Variants in DLGAP2 observed in about 807,000 individuals in gnomAD.
DLGAP2 encodes disks large-associated protein 2.
In DLGAP2, 26 loss-of-function variants were observed where a neutral mutation model predicts 100.3. The observed-to-expected ratio is 0.26, with a 90% CI of 0.19 to 0.36. The LOEUF is 0.36. Ranked by LOEUF, DLGAP2 falls within the 10% of genes least tolerant of loss-of-function variation. The pLI, the probability that DLGAP2 is intolerant of heterozygous loss-of-function variation, is 1.00. For missense variants in DLGAP2, 1,858 were observed against 1,453.2 expected, an observed-to-expected ratio of 1.28 and a Z score of -4.53; for synonymous variants, 886 against 630.1, an observed-to-expected ratio of 1.41 and a Z score of -6.08.
At chr8:1,376,328 A>G (rs1802386299) in intron 3 of DLGAP2, among the ~76,000 whole-genome samples, 1 of 152,220 alleles carries the variant, frequency 6.6e-6, no homozygotes, top group South Asian at 2.1e-4. Flanking sequence ...TCCATCAGCC[A>G]GCTCCTGTGC....
intron 2 of DLGAP2, among the ~76,000 whole-genome samples, chr8:973,866 C>CG (rs368223140): frequency 1 from 149,494 of 149,550 alleles, 74,719 homozygotes; most frequent in Middle Eastern, 1. Flanking sequence ...GCTGCGACCA[C>CG]GGGCCAGGCC....
At position 896,732 on chromosome 8, in the gene DLGAP2, C is replaced by T. The variant is rs537374381; in HGVS notation, c.19-11180C>T. Reference sequence around the variant, plus strand: ...AGCCCGGAAGTGGGTCCTCACCAGACACTGCCGTCACCTCCGCGCTGGACC... The same window carrying T: ...AGCCCGGAAGTGGGTCCTCACCAGATACTGCCGTCACCTCCGCGCTGGACC... On this transcript the variant is annotated intron_variant, in intron 1 of 14. Transcript: ENST00000637795. 6.6e-5 allele frequency among the ~76,000 whole-genome samples: 10 copies of T among 152,254 alleles called. No homozygotes were observed. In the East Asian group the frequency reaches 1.4e-3, roughly 21 times the overall value.
chr8:1,266,342 C>T (rs573197661), intron 3 of DLGAP2, among the ~76,000 whole-genome samples: 9 of 152,314 alleles, frequency 5.9e-5, no homozygotes, highest in East Asian at 3.9e-4. Context: ...TCCAGATGAG[C>T]GCAGATTCAC....
intron 3 of DLGAP2, among the ~76,000 whole-genome samples, chr8:1,339,488 C>G (rs981370069): frequency 6.6e-6 from 1 of 152,216 alleles, no homozygotes; most frequent in African/African-American, 2.4e-5. Context: ...TTGGTGAGCT[C>G]CATTCTGGAA....
At chr8:1,590,195 CT>C (rs1796249397) in intron 6 of DLGAP2, among the ~76,000 whole-genome samples, 1 of 152,198 alleles carries the variant, frequency 6.6e-6, no homozygotes, top group Non-Finnish European at 1.5e-5. Flanking sequence ...CTCATCTCAA[CT>C]CATTTCGTCT....
Position 1,006,264 on chromosome 8 carries a change from G to C in DLGAP2, c.73+98298G>C, listed in dbSNP as rs140669640. 4.8e-3 allele frequency among the ~76,000 whole-genome samples: 732 copies of C among 152,296 alleles called. 6 individuals carry two copies. The highest frequency in any genetic ancestry group is 0.017 in the African/African-American group (694 of 41,562). ...AGATGGACAACTGTGCTATGCTTCT[G>C]GGGAGGATTGTGCCTTTATCACATC... On this transcript the variant is annotated intron_variant, in intron 2 of 14. Transcript: ENST00000637795.
chr8:1,464,287 GCCCTTC>G (rs1798551820), intron 3 of DLGAP2, among the ~76,000 whole-genome samples: 1 of 29,786 alleles, frequency 3.4e-5, no homozygotes. Flanking sequence ...CCAGGACAAC[GCCCTTC>G]CAGGATGGCA....
At chr8:1,516,077 ATGAATGAGTGCATGAATGAGTGACTGAG>A (rs1375921596) in intron 4 of DLGAP2, among the ~76,000 whole-genome samples, 2 of 151,070 alleles carry the variant, frequency 1.3e-5, no homozygotes, top group African/African-American at 2.4e-5. Context: ...AAAAAAGTAC[ATGAATGAGTGCATGAATGAGTGACTGAG>A]TGAATGAGTG....
chr8:1,087,267 A>G (rs1804005123), intron 2 of DLGAP2, among the ~76,000 whole-genome samples: 1 of 152,210 alleles, frequency 6.6e-6, no homozygotes, highest in African/African-American at 2.4e-5. Flanking sequence ...TAACATTCTG[A>G]AGTCTTTCCT....
intron 8 of DLGAP2, among the ~76,000 whole-genome samples, chr8:1,655,696 C>T (rs1041209851): frequency 3.9e-5 from 6 of 152,174 alleles, no homozygotes; most frequent in Admixed American, 2.0e-4. Flanking sequence ...CTCATTCACA[C>T]GAGCTTCTTT....
At chr8:1,529,692 A>G (rs774073477) in intron 4 of DLGAP2, among the ~76,000 whole-genome samples, 26 of 152,254 alleles carry the variant, frequency 1.7e-4, no homozygotes, top group Non-Finnish European at 3.4e-4. Context: ...AAAATGGCAA[A>G]TAATTACTCT....
At position 1,070,678 on chromosome 8, in the gene DLGAP2, C is replaced by T. The variant is rs541201164; in HGVS notation, c.73+162712C>T. On this transcript the variant is annotated intron_variant, in intron 2 of 14. Transcript: ENST00000637795. ...TCAGACACACATACAGACACAAACACTCACTCCCTCCTTACAGAAAAGACC... is the reference window on the plus strand; with the variant it reads ...TCAGACACACATACAGACACAAACATTCACTCCCTCCTTACAGAAAAGACC... Among the ~76,000 whole-genome samples the T allele has an allele frequency of 5.9e-5, 9 of 152,322 alleles. No individual in the cohort carries two copies. In the South Asian group the frequency reaches 1.9e-3, roughly 32 times the overall value.
In DLGAP2 at chr8:1,081,266, G is replaced by C. The variant is rs150302039; in HGVS notation, c.73+173300G>C. On this transcript the variant is annotated intron_variant, in intron 2 of 14. Transcript: ENST00000637795. The stretch of plus-strand genomic sequence containing the variant: ...AACTACTTACAGGTTCCTGCACTTA[G>C]TAAAAACTCAATAAAAATTCATTCT... 9.8e-4 allele frequency among the ~76,000 whole-genome samples: 149 copies of C among 152,290 alleles called. 1 individual carries two copies. Among genetic ancestry groups the C allele is most frequent in the African/African-American group, 3.4e-3 (142 of 41,556 alleles).
At chr8:1,012,440 T>C (rs1364171629) in intron 2 of DLGAP2, among the ~76,000 whole-genome samples, 1 of 152,226 alleles carries the variant, frequency 6.6e-6, no homozygotes, top group Non-Finnish European at 1.5e-5. Flanking sequence ...GTAGTCTCTG[T>C]GTGGCTGCCT....
chr8:1,162,952 GAAAGT>G (rs1796920231), intron 2 of DLGAP2, among the ~76,000 whole-genome samples: 1 of 152,228 alleles, frequency 6.6e-6, no homozygotes, highest in Non-Finnish European at 1.5e-5. Context: ...ATCTGGGGAG[GAAAGT>G]CAGAGCTTGG....
At position 1,173,833 on chromosome 8, in the gene DLGAP2, C is replaced by G. The variant is rs141047380; in HGVS notation, c.74-85018C>G. ...GGAACTCTCTGACCCATTGCGCTTC[C>G]TGAGTGAGGCAATGCGTCGCCCTGC... On this transcript the variant is annotated intron_variant, in intron 2 of 14. Transcript: ENST00000637795. 7.4e-3 allele frequency among the ~76,000 whole-genome samples: 1,131 copies of G among 152,346 alleles called. 4 individuals carry two copies. Among genetic ancestry groups the G allele is most frequent in the Non-Finnish European group, 0.012 (824 of 68,034 alleles).
chr8:971,545 C>G (rs1800015050), intron 2 of DLGAP2, among the ~76,000 whole-genome samples: 2 of 152,192 alleles, frequency 1.3e-5, no homozygotes, highest in Non-Finnish European at 2.9e-5. Flanking sequence ...TGTCAAAGTG[C>G]TGGATTCTAA....
intron 1 of DLGAP2, among the ~76,000 whole-genome samples, chr8:762,317 C>T (rs1821108401): frequency 6.6e-6 from 1 of 152,202 alleles, no homozygotes; most frequent in African/African-American, 2.4e-5. Flanking sequence ...CTTGGGACCT[C>T]ATGGTCACAG....
intron 3 of DLGAP2, among the ~76,000 whole-genome samples, chr8:1,343,551 C>T (rs1801468013): frequency 6.6e-6 from 1 of 152,224 alleles, no homozygotes; most frequent in African/African-American, 2.4e-5. Context: ...CCCCAAAGGC[C>T]AACAGGTTAC....
Sources: gnomAD v4.1 joint callset for allele counts (sites outside exome capture counted in the v4.1 genomes callset) on GRCh38, gnomAD v4.1.1 for gene constraint, MANE v1.5 for transcripts, NCBI Gene and HGNC (gene_info 2026-07-23, HGNC 2026-07-21) for gene names.